TEX9: variants seen among roughly 807,000 people sequenced by gnomAD.
TEX9 encodes the protein testis-expressed protein 9.
A neutral mutation model predicts 59.6 loss-of-function variants in TEX9; 74 were observed. The ratio of observed to expected loss-of-function variants is 1.24; its 90% CI spans 1.03 to 1.51. The LOEUF (loss-of-function observed/expected upper bound fraction) is 1.51, where lower values mean the gene tolerates loss of function less well. TEX9 is among the 40% of genes most tolerant of loss of function. The pLI is 0.00. For synonymous variants in TEX9, 186 were observed against 152.2 expected, an observed-to-expected ratio of 1.22 and a Z score of -1.64; for missense variants, 522 against 447.8, an observed-to-expected ratio of 1.17 and a Z score of -1.49.
intron 1 of TEX9, among the ~76,000 whole-genome samples, chr15:56,328,343 G>C (rs1469254700): frequency 1.3e-5 from 2 of 152,144 alleles, no homozygotes; most frequent in Non-Finnish European, 2.9e-5. Flanking sequence ...TGACACCCAG[G>C]TGATACATCG....
intron 1 of TEX9, among the ~76,000 whole-genome samples, chr15:56,272,695 C>G (rs1259504132): frequency 6.6e-6 from 1 of 152,092 alleles, no homozygotes; most frequent in Non-Finnish European, 1.5e-5. Context: ...CAAACTGTTT[C>G]TCATAGTGGC....
At chr15:56,454,014 G>T in the TEX9 span, among the ~76,000 whole-genome samples, 1 of 152,074 alleles carries the variant, frequency 6.6e-6, no homozygotes, top group Admixed American at 6.5e-5. Flanking sequence ...GTCCATTTCT[G>T]CATGACAGTG....
intron 2 of TEX9, among the ~76,000 whole-genome samples, chr15:56,366,324 G>T (rs376514840): frequency 3.9e-5 from 6 of 152,238 alleles, no homozygotes; most frequent in Middle Eastern, 3.4e-3. Context: ...GGCTCCTCCT[G>T]CCTCCTCTAT....
chr15:56,434,063 A>T (rs1341501494), intron 12 of TEX9: 1 of 1,454,694 alleles, frequency 6.9e-7, no homozygotes, highest in Non-Finnish European at 9.3e-7. Context: ...CTTCTCAGTA[A>T]ATGTTTAGTG....
At chr15:56,386,379 A>G (rs1211170819) in intron 4 of TEX9, among the ~76,000 whole-genome samples, 9 of 151,904 alleles carry the variant, frequency 5.9e-5, no homozygotes, top group African/African-American at 1.9e-4. Flanking sequence ...CATTAGCTAA[A>G]ACATATTGAC....
At chr15:56,273,343 G>A (rs2141411397) in intron 1 of TEX9, among the ~76,000 whole-genome samples, 1 of 152,206 alleles carries the variant, frequency 6.6e-6, no homozygotes, top group East Asian at 1.9e-4. Context: ...TATAATGCAT[G>A]TCTCAATTAA....
At chr15:56,364,281 G>T (rs2046850663), upstream of TEX9, among the ~76,000 whole-genome samples, 1 of 151,470 alleles carries the variant, frequency 6.6e-6, no homozygotes, top group East Asian at 1.9e-4. Context: ...AGCCTCCCCA[G>T]TAGCTGGGAT....
chr15:56,445,964 C>T (rs781359127), downstream of TEX9: 1 of 152,064 alleles, frequency 6.6e-6, no homozygotes, highest in Non-Finnish European at 1.5e-5. Context: ...TTCTTATCAC[C>T]TGCCACACCT....
intron 1 of TEX9, among the ~76,000 whole-genome samples, chr15:56,256,810 G>T (rs535007918): frequency 6.6e-6 from 1 of 152,020 alleles, no homozygotes; most frequent in African/African-American, 2.4e-5. Context: ...GGGTACATGC[G>T]CAAGATATAC....
chr15:56,306,028 A>G (rs1054413847), intron 1 of TEX9, among the ~76,000 whole-genome samples: 2 of 152,186 alleles, frequency 1.3e-5, no homozygotes, highest in Non-Finnish European at 2.9e-5. Context: ...AACATGCTCA[A>G]TAGAAATGCA....
chr15:56,429,108 T>C, intron 12 of TEX9: 2 of 1,584,952 alleles, frequency 1.3e-6, no homozygotes, highest in Non-Finnish European at 1.7e-6. Flanking sequence ...ATATCATTTC[T>C]CTTCACAAAT....
chr15:56,451,962 T>C, the TEX9 span, among the ~76,000 whole-genome samples: 1 of 152,192 alleles, frequency 6.6e-6, no homozygotes, highest in African/African-American at 2.4e-5. Context: ...TGAAAATCTG[T>C]TGATATTTTT....
chr15:56,443,609 T>C (rs2050855701), intron 12 of TEX9: 1 of 1,594,490 alleles, frequency 6.3e-7, no homozygotes, highest in South Asian at 1.2e-5. Flanking sequence ...AGAATTTTAC[T>C]AGTGTTAAAG....
At chr15:56,295,835 G>A (rs2045204925) in intron 1 of TEX9, among the ~76,000 whole-genome samples, 1 of 152,174 alleles carries the variant, frequency 6.6e-6, no homozygotes, top group Admixed American at 6.5e-5. Context: ...TGGGACAGGA[G>A]CACTGGAACC....
chr15:56,429,639 C>T (rs1169280672), intron 12 of TEX9: 1 of 152,724 alleles, frequency 6.5e-6, no homozygotes, highest in African/African-American at 2.4e-5. Context: ...GAAAAGAATC[C>T]AGGTTTGGAG....
At position 56,399,172 on chromosome 15, in the gene TEX9, A is replaced by T. The variant is rs60594841; in HGVS notation, c.828+4338A>T. ...GAGTGGGGTGTCGCCTTACCCGGGAAGTGCAAGGGGTTGGGGGATTTCCCT... is the reference window on the plus strand; with the variant it reads ...GAGTGGGGTGTCGCCTTACCCGGGATGTGCAAGGGGTTGGGGGATTTCCCT... On this transcript the variant is annotated intron_variant, in intron 9 of 12. Transcript: ENST00000352903. 4.4e-3 allele frequency among the ~76,000 whole-genome samples: 673 copies of T among 152,258 alleles called. 13 individuals carry two copies. Among genetic ancestry groups the T allele is most frequent in the African/African-American group, 0.016 (657 of 41,542 alleles).
intron 1 of TEX9, among the ~76,000 whole-genome samples, chr15:56,335,511 T>C (rs1025558374): frequency 6.6e-6 from 1 of 151,898 alleles, no homozygotes; most frequent in Non-Finnish European, 1.5e-5. Flanking sequence ...GGGAAGGGTA[T>C]GGGGATGGGG....
chr15:56,345,056 T>C (rs140234721), intron 1 of TEX9, among the ~76,000 whole-genome samples: 8,322 of 134,202 alleles, frequency 0.062, 617 homozygotes, highest in East Asian at 0.37. Context: ...TATATATATA[T>C]ACACACACAC....
chr15:56,460,009 A>AAAAAAAAAAAAAAATATATAT, the TEX9 span, among the ~76,000 whole-genome samples: 2 of 26,386 alleles, frequency 7.6e-5, no homozygotes, highest in African/African-American at 1.5e-4. Flanking sequence ...AAAAAAAAAA[A>AAAAAAAAAAAAAAATATATAT]ATACATATAT....
Sources: allele counts gnomAD v4.1 joint callset (sites outside exome capture counted in the v4.1 genomes callset), GRCh38; gene constraint gnomAD v4.1.1; transcripts MANE v1.5; gene names NCBI Gene and HGNC (gene_info 2026-07-23, HGNC 2026-07-21).